ARHGAP19: variants seen among roughly 807,000 people sequenced by gnomAD.
The protein encoded by ARHGAP19 is rho GTPase-activating protein 19.
ARHGAP19 carries 48 observed loss-of-function variants against 60.9 expected under a neutral mutation model. The observed-to-expected ratio is 0.79, with a 90% CI of 0.62 to 1.00. The LOEUF (loss-of-function observed/expected upper bound fraction) is 1.00, where lower values mean the gene tolerates loss of function less well. Ranked by LOEUF, ARHGAP19 falls within the 50% of genes least tolerant of loss-of-function variation. The pLI is 0.00. For synonymous variants in ARHGAP19, 209 were observed against 215.5 expected (o/e 0.97, Z 0.27); for missense variants, 562 against 597.2 (o/e 0.94, Z 0.61).
In ARHGAP19 at chr10:97,266,045, A is replaced by G. The variant is rs780627958; in HGVS notation, c.137T>C (p.Val46Ala). The G allele has an allele frequency of 1.9e-6, 3 of 1,614,264 alleles. No individual in the cohort carries two copies. The highest frequency in any genetic ancestry group is 2.5e-6 in the Non-Finnish European group (3 of 1,180,048). The change falls in exon 2 of 12, where the codon GTG becomes GCG. Residue 46 changes from valine to alanine, a missense_variant. Val to Ala is a moderately conservative substitution (Grantham distance 64). Transcript: ENST00000358531. ...QPIIFNPDFF[V>A]EKLRHEKPEI... ...AGGTTTCTCATGTCGGAGTTTCTCC[A>G]CAAAAAAGTCAGGATTAAAGATAAT...
At chr10:97,284,774 T>C (rs1228595304) in intron 1 of ARHGAP19, among the ~76,000 whole-genome samples, 3 of 150,272 alleles carry the variant, frequency 2.0e-5, no homozygotes, top group Non-Finnish European at 3.0e-5. Context: ...CCCAAAGTGG[T>C]AGGATTACAG....
At chr10:97,282,660 T>C (rs1843100271) in intron 1 of ARHGAP19, among the ~76,000 whole-genome samples, 1 of 152,176 alleles carries the variant, frequency 6.6e-6, no homozygotes, top group Non-Finnish European at 1.5e-5. Flanking sequence ...GGTCTGGAAC[T>C]CTGCCCTAGG....
At chr10:97,267,273 T>C (rs1474563649) in intron 1 of ARHGAP19, among the ~76,000 whole-genome samples, 2 of 152,190 alleles carry the variant, frequency 1.3e-5, no homozygotes, top group Admixed American at 6.5e-5. Context: ...CTCCTTTGAC[T>C]CCACGTCTCA....
At chr10:97,243,208 C>T (rs1023028441) in intron 8 of ARHGAP19, among the ~76,000 whole-genome samples, 17 of 152,136 alleles carry the variant, frequency 1.1e-4, no homozygotes, top group African/African-American at 4.1e-4. Flanking sequence ...TTATACCTGG[C>T]CTTATGCTGA....
At chr10:97,229,645 GAGAAA>G in intron 10 of ARHGAP19, 114 bp downstream of exon 10, 1 of 722,580 alleles carries the variant, frequency 1.4e-6, no homozygotes, top group Non-Finnish European at 2.3e-6. Flanking sequence ...TGAAAGGATT[GAGAAA>G]AAGCCATTTG....
intron 1 of ARHGAP19, among the ~76,000 whole-genome samples, chr10:97,284,271 C>T (rs1350921217): frequency 6.6e-6 from 1 of 151,902 alleles, no homozygotes; most frequent in Middle Eastern, 3.2e-3. Flanking sequence ...TACAGATGTG[C>T]GACACCATGC....
intron 4 of ARHGAP19, among the ~76,000 whole-genome samples, chr10:97,262,928 C>T (rs371119053): frequency 4.6e-5 from 7 of 152,200 alleles, no homozygotes; most frequent in South Asian, 4.1e-4. Context: ...CTGGGCAACA[C>T]GGCGAAACCC....
intron 11 of ARHGAP19, among the ~76,000 whole-genome samples, chr10:97,228,580 C>T (rs1243874788): frequency 6.6e-6 from 1 of 152,166 alleles, no homozygotes; most frequent in Non-Finnish European, 1.5e-5. Flanking sequence ...TTTCCATTGA[C>T]CCACTTGGCT....
Position 97,271,946 on chromosome 10 carries a change from T to G in ARHGAP19, c.57-5821A>C, listed in dbSNP as rs950387585. On this transcript the variant is annotated intron_variant, in intron 1 of 11. Transcript: ENST00000358531. ...TCTATTGTTAAACCAACCTTGCATT[T>G]CTCAAATAACTCAACTTTGTTATGA... Among the ~76,000 whole-genome samples the G allele has an allele frequency of 2.6e-5, 4 of 151,970 alleles. No individual in the cohort carries two copies. In the East Asian group the frequency reaches 7.7e-4, roughly 29 times the overall value.
chr10:97,238,438 G>A (rs8181326), intron 8 of ARHGAP19, among the ~76,000 whole-genome samples: 81,348 of 151,896 alleles, frequency 0.54, 24,429 homozygotes, highest in East Asian at 0.72. Flanking sequence ...GGGTGGTCTC[G>A]AACTCCTGGC....
At position 97,225,315 on chromosome 10, in the gene ARHGAP19, A is replaced by C. The variant is rs189928661; in HGVS notation, c.*807T>G. 8 of 152,350 alleles carry C rather than the reference A, an allele frequency of 5.3e-5. No individual in the cohort carries two copies. The highest frequency in any genetic ancestry group is 1.4e-4 in the African/African-American group (6 of 41,586). 9.4% of individuals were successfully genotyped at this position (152,350 alleles called of 1,614,324 possible). On this transcript the variant is annotated 3_prime_UTR_variant, in exon 12 of 12. Coordinates refer to ENST00000358531, the MANE Select transcript of ARHGAP19 (RefSeq NM_032900.6). ...TGAATGAAGATAACAAGTTCAGCAA[A>C]ACACAATTATTTTCACATCACTGAG...
chr10:97,281,280 G>A (rs1337833431), intron 1 of ARHGAP19, among the ~76,000 whole-genome samples: 3 of 151,594 alleles, frequency 2.0e-5, no homozygotes, highest in African/African-American at 2.4e-5. Context: ...TTGAGTCTAC[G>A]GTCCCAACTA....
At chr10:97,272,722 C>T (rs1473944951) in intron 1 of ARHGAP19, among the ~76,000 whole-genome samples, 1 of 152,036 alleles carries the variant, frequency 6.6e-6, no homozygotes, top group South Asian at 2.1e-4. Flanking sequence ...AATGTCTCTA[C>T]GTTCCATAGT....
intron 3 of ARHGAP19, among the ~76,000 whole-genome samples, 154 bp from the exon 4 acceptor site, chr10:97,263,783 C>A (rs1655436570): frequency 6.6e-6 from 1 of 152,112 alleles, no homozygotes. Flanking sequence ...TAGTTTAGAA[C>A]CTATTGACCT....
chr10:97,244,195 T>C, intron 7 of ARHGAP19, 36 bp from the exon 8 acceptor site: 5 of 1,528,014 alleles, frequency 3.3e-6, no homozygotes, highest in Non-Finnish European at 3.5e-6. Context: ...AATTAATATA[T>C]CCTGCCAACT....
intron 1 of ARHGAP19, among the ~76,000 whole-genome samples, chr10:97,288,919 A>G (rs1370609236): frequency 6.9e-6 from 1 of 144,790 alleles, no homozygotes; most frequent in Non-Finnish European, 1.5e-5. Context: ...GATTCAAGCG[A>G]TTCTCCTGCC....
intron 6 of ARHGAP19, among the ~76,000 whole-genome samples, chr10:97,249,278 T>C (rs2134850628): frequency 6.6e-6 from 1 of 152,334 alleles, no homozygotes; most frequent in Admixed American, 6.5e-5. Flanking sequence ...TACAGGTTAT[T>C]TACTAACCGC....
chr10:97,263,390 T>G, intron 4 of ARHGAP19, 30 bp downstream of exon 4: 1 of 1,597,908 alleles, frequency 6.3e-7, no homozygotes, highest in South Asian at 1.1e-5. Context: ...AGAAATGTAT[T>G]TACATCTCCT....
intron 6 of ARHGAP19, among the ~76,000 whole-genome samples, chr10:97,247,719 AG>A (rs948392161): frequency 1.0e-4 from 14 of 137,934 alleles, no homozygotes; most frequent in African/African-American, 3.5e-4. Flanking sequence ...AGAAAAAGAA[AG>A]GATGGAGAGA....
Sources: allele counts gnomAD v4.1 joint callset (sites outside exome capture counted in the v4.1 genomes callset), GRCh38; gene constraint gnomAD v4.1.1; transcripts MANE v1.5; gene names NCBI Gene and HGNC (gene_info 2026-07-23, HGNC 2026-07-21).